The following ACAD11 variants were observed in gnomAD, a reference collection of about 807,000 sequenced individuals.
The protein encoded by ACAD11 is acyl-Coenzyme A dehydrogenase family, member 11.
A neutral mutation model predicts 102.2 loss-of-function variants in ACAD11; 83 were observed. The ratio of observed to expected loss-of-function variants is 0.81; its 90% CI spans 0.68 to 0.97. The LOEUF (loss-of-function observed/expected upper bound fraction) is 0.97. ACAD11 is among the 50% of genes least tolerant of loss of function. ACAD11 has a pLI of 0.00. For synonymous variants in ACAD11, 324 were observed against 319.8 expected (o/e 1.01, Z -0.14); for missense variants, 901 against 951.7 (o/e 0.95, Z 0.70).
chr3:132,596,637 A>G (rs1938321437), intron 13 of ACAD11, among the ~76,000 whole-genome samples: 1 of 152,196 alleles, frequency 6.6e-6, no homozygotes, highest in Non-Finnish European at 1.5e-5. Context: ...AAAAATAAAC[A>G]GCCTCCCAGA....
chr3:132,584,859 G>A (rs1937730793), intron 13 of ACAD11, among the ~76,000 whole-genome samples: 1 of 152,146 alleles, frequency 6.6e-6, no homozygotes, highest in African/African-American at 2.4e-5. Context: ...ACAAACAAAT[G>A]GAAGAACATT....
intron 2 of ACAD11, among the ~76,000 whole-genome samples, chr3:132,643,784 C>T (rs1409344764): frequency 1.3e-5 from 2 of 152,084 alleles, no homozygotes; most frequent in Non-Finnish European, 2.9e-5. Context: ...AAGTGGATCA[C>T]AGAGCTGGAG....
At chr3:132,563,051 A>T (rs1484893092) in intron 17 of ACAD11, among the ~76,000 whole-genome samples, 1 of 152,200 alleles carries the variant, frequency 6.6e-6, no homozygotes, top group East Asian at 1.9e-4. Flanking sequence ...ATCTATGTCC[A>T]ATTGCTGCAA....
chr3:132,561,225 G>A lies in ACAD11; in HGVS notation c.2002-8C>T. ...CCAGTGAGCCACAACCTCCTATAGG[G>A]GAGGAAAAGGCAGCAAAAGAAGGAG... On this transcript the variant is annotated splice_polypyrimidine_tract_variant and splice_region_variant and intron_variant, in intron 17 of 19. Coordinates refer to ENST00000264990, the MANE Select transcript of ACAD11 (RefSeq NM_032169.5). The A allele has an allele frequency of 6.2e-7, 1 of 1,607,276 alleles. No homozygotes were observed.
chr3:132,639,730 CAA>C, intron 4 of ACAD11, 74 bp from the exon 5 acceptor site: 9 of 1,407,594 alleles, frequency 6.4e-6, no homozygotes, highest in Non-Finnish European at 8.7e-6. Context: ...AAAATTAAAA[CAA>C]AATTCAAATG....
chr3:132,618,781 G>T lies in ACAD11; in HGVS notation c.1276-9C>A. 1 of 1,575,268 alleles carries T rather than the reference G, an allele frequency of 6.3e-7. No individual in the cohort carries two copies. The highest frequency in any genetic ancestry group is 8.6e-7 in the Non-Finnish European group (1 of 1,165,504). On this transcript the variant is annotated splice_polypyrimidine_tract_variant and intron_variant, in intron 10 of 19. Transcript: ENST00000264990. ...TCGACTTTGGCCATTTCCTGTCAAG[G>T]TGATGAACATGCCAGAGTGACCATA...
intron 8 of ACAD11, 69 bp downstream of exon 8, chr3:132,628,271 A>G: frequency 9.4e-7 from 1 of 1,060,438 alleles, no homozygotes. Flanking sequence ...TACTCCCCTA[A>G]AGTGTATAAC....
intron 13 of ACAD11, among the ~76,000 whole-genome samples, chr3:132,596,240 G>C (rs932954404): frequency 6.6e-6 from 1 of 152,112 alleles, no homozygotes; most frequent in African/African-American, 2.4e-5. Context: ...AGAACACATG[G>C]ACACATGGAG....
At chr3:132,568,597 AGACT>A (rs113260902) in intron 17 of ACAD11, among the ~76,000 whole-genome samples, 13 of 152,342 alleles carry the variant, frequency 8.5e-5, no homozygotes, top group African/African-American at 2.9e-4. Context: ...GCTTATTTGA[AGACT>A]GACTATGTAA....
chr3:132,627,315 C>G (rs931467272), intron 8 of ACAD11, among the ~76,000 whole-genome samples: 7 of 152,172 alleles, frequency 4.6e-5, no homozygotes, highest in African/African-American at 1.4e-4. Flanking sequence ...TAAATCGGCC[C>G]TCCTCATCCT....
At chr3:132,621,198 A>G (rs2107850784) in intron 9 of ACAD11, 1 of 152,370 alleles carries the variant, frequency 6.6e-6, no homozygotes, top group Middle Eastern at 3.4e-3. Context: ...AAGCCAGAGC[A>G]TAGTAAAACT....
rs1013878398 is a variant in ACAD11 at position 132,644,994 on chromosome 3, A to G, written c.150-98T>C. On this transcript the variant is annotated intron_variant, in intron 1 of 19. Coordinates refer to ENST00000264990, the MANE Select transcript of ACAD11 (RefSeq NM_032169.5). ...TGTCAGAAGAAACAAATGAAAATAA[A>G]TTCATCTCAATGCTGGAAAATCAAG... 4 of 694,602 alleles carry G rather than the reference A, an allele frequency of 5.8e-6. No individual in the cohort carries two copies. In the African/African-American group the frequency reaches 7.2e-5, roughly 13 times the overall value. 43.0% of individuals were successfully genotyped at this position (694,602 alleles called of 1,614,324 possible).
intron 11 of ACAD11, among the ~76,000 whole-genome samples, chr3:132,607,706 A>C (rs544099245): frequency 3.5e-4 from 54 of 152,320 alleles, no homozygotes; most frequent in Non-Finnish European, 6.3e-4. Context: ...ACTCCTCAGG[A>C]TATTATCCAG....
At chr3:132,639,773 GC>G in intron 4 of ACAD11, 117 bp from the exon 5 acceptor site, 1 of 900,978 alleles carries the variant, frequency 1.1e-6, no homozygotes, top group Non-Finnish European at 1.7e-6. Context: ...TAAGACCCAT[GC>G]TGGTGATACT....
At chr3:132,641,854 T>C in intron 4 of ACAD11, 118 bp downstream of exon 4, 1 of 895,798 alleles carries the variant, frequency 1.1e-6, no homozygotes, top group Non-Finnish European at 1.6e-6. Flanking sequence ...TGAAGGACAA[T>C]GTTAAAAGTC....
At chr3:132,617,273 G>A (rs1407383872) in intron 11 of ACAD11, among the ~76,000 whole-genome samples, 1 of 152,158 alleles carries the variant, frequency 6.6e-6, no homozygotes, top group African/African-American at 2.4e-5. Flanking sequence ...TCTAGGGATG[G>A]AGGCTGGGAA....
At chr3:132,646,778 C>A (rs1424878432) in intron 1 of ACAD11, among the ~76,000 whole-genome samples, 1 of 152,116 alleles carries the variant, frequency 6.6e-6, no homozygotes, top group African/African-American at 2.4e-5. Flanking sequence ...GAATAAAATG[C>A]CGATCCATGC....
chr3:132,582,804 T>A (rs1397815210), intron 13 of ACAD11, among the ~76,000 whole-genome samples: 1 of 152,082 alleles, frequency 6.6e-6, no homozygotes, highest in African/African-American at 2.4e-5. Flanking sequence ...AGGAGACACC[T>A]TAAACCGACT....
At chr3:132,656,939 ATTATAG>A in intron 1 of ACAD11, among the ~76,000 whole-genome samples, 1 of 151,928 alleles carries the variant, frequency 6.6e-6, no homozygotes, top group South Asian at 2.1e-4. Context: ...CTGGTGAGCT[ATTATAG>A]TTATATTCTG....
Sources: allele counts gnomAD v4.1 joint callset (sites outside exome capture counted in the v4.1 genomes callset), GRCh38; gene constraint gnomAD v4.1.1; transcripts MANE v1.5; gene names NCBI Gene and HGNC (gene_info 2026-07-23, HGNC 2026-07-21).